Variants in SLC39A12 observed in about 807,000 individuals in gnomAD.
SLC39A12 encodes the protein zinc transporter ZIP12.
SLC39A12 carries 63 observed loss-of-function variants against 71.1 expected under a neutral mutation model. The observed-to-expected ratio is 0.89, with a 90% CI of 0.72 to 1.09. The LOEUF (loss-of-function observed/expected upper bound fraction) is 1.09. Among genes scored for constraint, SLC39A12 ranks in the 50% least tolerant of loss-of-function variants. The pLI, the probability that SLC39A12 is intolerant of heterozygous loss-of-function variation, is 0.00. For missense variants in SLC39A12, 892 were observed against 812.6 expected (o/e 1.10, Z -1.19); for synonymous variants, 351 against 301.3 (o/e 1.16, Z -1.71).
rs753594131 is a variant in SLC39A12, at chr10:17,991,245, T to C, written c.1364T>C (p.Ile455Thr). The C allele has an allele frequency of 6.3e-7, 1 of 1,598,550 alleles. No individual in the cohort carries two copies. Among genetic ancestry groups the C allele is most frequent in the East Asian group, 2.3e-5 (1 of 44,136 alleles). Residue 455 changes from isoleucine to threonine, a missense_variant, in exon 8 of 13, where the codon ATC (isoleucine) becomes ACC (threonine). Transcript: ENST00000377369. The part of the protein sequence containing the change: ...IWKLMGLIGG[I>T]HGFFLIEKCF... ...AAACTGATGGGATTAATTGGAGGCA[T>C]CCATGGATTTTTCTTGATAGAAAAA... is the stretch of plus-strand genomic sequence containing the variant.
intron 2 of SLC39A12, among the ~76,000 whole-genome samples, chr10:17,961,281 T>C (rs1834681495): frequency 6.6e-6 from 1 of 152,208 alleles, no homozygotes; most frequent in South Asian, 2.1e-4. Flanking sequence ...TTATTCTAAA[T>C]GCAAATGGGC....
At chr10:17,965,163 T>G (rs1374424607) in intron 3 of SLC39A12, among the ~76,000 whole-genome samples, 2 of 151,464 alleles carry the variant, frequency 1.3e-5, no homozygotes, top group Admixed American at 6.6e-5. Context: ...GTCAAAATCG[T>G]GCCACTTTAC....
At chr10:17,978,687 A>G (rs551095507) in intron 5 of SLC39A12, among the ~76,000 whole-genome samples, 1 of 152,336 alleles carries the variant, frequency 6.6e-6, no homozygotes, top group South Asian at 2.1e-4. Flanking sequence ...TAAGGCATGC[A>G]TCTTCTAAGA....
chr10:17,991,332 G>T, intron 8 of SLC39A12, 29 bp downstream of exon 8: 1 of 1,528,760 alleles, frequency 6.5e-7, no homozygotes. Context: ...TTTGTCTTGT[G>T]CTTTAAAGTC....
At chr10:18,017,563 T>C (rs187310459) in intron 12 of SLC39A12, among the ~76,000 whole-genome samples, 2 of 152,312 alleles carry the variant, frequency 1.3e-5, no homozygotes. Flanking sequence ...CACCTTTTTG[T>C]GAAGAATGTA....
chr10:17,962,065 T>C (rs987616367), intron 3 of SLC39A12, among the ~76,000 whole-genome samples: 4 of 152,040 alleles, frequency 2.6e-5, no homozygotes, highest in African/African-American at 4.8e-5. Flanking sequence ...GGAAGAGCAG[T>C]TTTCGCCAGA....
At chr10:18,024,557 T>A (rs1182251227) in intron 12 of SLC39A12, among the ~76,000 whole-genome samples, 1 of 152,164 alleles carries the variant, frequency 6.6e-6, no homozygotes, top group East Asian at 1.9e-4. Flanking sequence ...CCTTGATGAT[T>A]CTAAACATGC....
At chr10:18,001,478 C>T (rs1835832291) in intron 11 of SLC39A12, among the ~76,000 whole-genome samples, 1 of 152,164 alleles carries the variant, frequency 6.6e-6, no homozygotes, top group Admixed American at 6.5e-5. Flanking sequence ...TGAGCCATTG[C>T]ACTCCAGCCT....
rs543661089 is a variant in SLC39A12 at position 17,975,519 on chromosome 10, G to T, written c.752-2383G>T. Among the ~76,000 whole-genome samples the T allele has an allele frequency of 4.8e-4, 73 of 152,130 alleles. 1 individual carries two copies. Among genetic ancestry groups the T allele is most frequent in the South Asian group, 4.0e-3 (19 of 4,804 alleles). On this transcript the variant is annotated intron_variant, in intron 4 of 12. Coordinates refer to ENST00000377369, the MANE Select transcript of SLC39A12 (RefSeq NM_001145195.2). Reference sequence around the variant, plus strand: ...GCAACTCTAACCACTGCCCCATCCTGCTGTGGCTGAGCTGGTATCCAAGAT... The same window carrying T: ...GCAACTCTAACCACTGCCCCATCCTTCTGTGGCTGAGCTGGTATCCAAGAT...
rs1834449471 is a variant in SLC39A12 at position 17,953,256 on chromosome 10, C to T, written c.-21C>T. Reference sequence around the variant, plus strand: ...CACTCACCTCCATCCAAGACAGACTCAAGGTGGAGGAAGCGTGGAAATGTG... The same window carrying T: ...CACTCACCTCCATCCAAGACAGACTTAAGGTGGAGGAAGCGTGGAAATGTG... On this transcript the variant is annotated 5_prime_UTR_variant, in exon 2 of 13. Coordinates refer to ENST00000377369, the MANE Select transcript of SLC39A12 (RefSeq NM_001145195.2). 2 of 1,611,076 alleles carry T rather than the reference C, an allele frequency of 1.2e-6. No homozygotes were observed. Among genetic ancestry groups the T allele is most frequent in the East Asian group, 2.2e-5 (1 of 44,868 alleles).
Position 17,993,813 on chromosome 10 carries a change from G to A in SLC39A12, c.1533+522G>A, listed in dbSNP as rs77402939. 6.6e-3 allele frequency among the ~76,000 whole-genome samples: 1,006 copies of A among 152,304 alleles called. 6 individuals are homozygous for A. Among genetic ancestry groups the A allele is most frequent in the Middle Eastern group, 0.024 (7 of 294 alleles). Reference sequence around the variant, plus strand: ...TCTATATTAATTCTCAAAGCACAATGTCCAATCATGTTCAAAACAATATTC... The same window carrying A: ...TCTATATTAATTCTCAAAGCACAATATCCAATCATGTTCAAAACAATATTC... On this transcript the variant is annotated intron_variant, in intron 9 of 12. Coordinates refer to ENST00000377369, the MANE Select transcript of SLC39A12 (RefSeq NM_001145195.2).
At chr10:17,964,855 G>C (rs1443363639) in intron 3 of SLC39A12, among the ~76,000 whole-genome samples, 5 of 152,198 alleles carry the variant, frequency 3.3e-5, no homozygotes, top group Non-Finnish European at 5.9e-5. Context: ...CAACCCACCA[G>C]TTTTAAGGAT....
chr10:17,965,412 A>C, intron 3 of SLC39A12, 71 bp from the exon 4 acceptor site: 3 of 1,427,432 alleles, frequency 2.1e-6, no homozygotes, highest in Non-Finnish European at 2.9e-6. Flanking sequence ...TTAGGGGGAA[A>C]TTTCAGAGAT....
intron 12 of SLC39A12, among the ~76,000 whole-genome samples, chr10:18,036,750 A>ATATG (rs1554855438): frequency 4.8e-3 from 32 of 6,646 alleles, no homozygotes; most frequent in Middle Eastern, 0.033. Context: ...TAAAAATTAT[A>ATATG]TATATATATA....
chr10:17,972,473 C>G (rs1834999886), intron 4 of SLC39A12, among the ~76,000 whole-genome samples: 1 of 152,152 alleles, frequency 6.6e-6, no homozygotes, highest in Admixed American at 6.5e-5. Context: ...GCTTATGTCT[C>G]TCTGTAGCTC....
chr10:17,998,809 A>G (rs1835753844), intron 10 of SLC39A12, among the ~76,000 whole-genome samples: 1 of 152,224 alleles, frequency 6.6e-6, no homozygotes, highest in Non-Finnish European at 1.5e-5. Flanking sequence ...GGGATATGAT[A>G]TGAATCAAAT....
chr10:17,961,934 T>C lies in SLC39A12; in HGVS notation c.543+72T>C, dbSNP rs1554848467. The C allele has an allele frequency of 2.1e-6, 3 of 1,462,178 alleles. No individual in the cohort carries two copies. In the African/African-American group the frequency reaches 4.3e-5, roughly 21 times the overall value. The allele number at this position is 1,462,178 out of a possible 1,614,324, so 90.6% of individuals were successfully genotyped here. ...CTAGAGCCTTATTGTTTGTTCCTTA[T>C]TTATTTCTAAGACATTCAAGGACTT... On this transcript the variant is annotated intron_variant, in intron 3 of 12. Transcript: ENST00000377369.
At chr10:17,969,015 C>T (rs970503466) in intron 4 of SLC39A12, among the ~76,000 whole-genome samples, 2 of 152,102 alleles carry the variant, frequency 1.3e-5, no homozygotes, top group Non-Finnish European at 2.9e-5. Context: ...ATTTTTAGAT[C>T]CCACAAATAA....
At chr10:18,033,601 G>C (rs1027544190) in intron 12 of SLC39A12, among the ~76,000 whole-genome samples, 1 of 145,110 alleles carries the variant, frequency 6.9e-6, no homozygotes, top group African/African-American at 2.6e-5. Flanking sequence ...CAAAAAACCA[G>C]CTCCTGGATT....
Sources: allele counts gnomAD v4.1 joint callset (sites outside exome capture counted in the v4.1 genomes callset), GRCh38; gene constraint gnomAD v4.1.1; transcripts MANE v1.5; gene names NCBI Gene and HGNC (gene_info 2026-07-23, HGNC 2026-07-21).